Variants in NR3C2 observed in about 807,000 individuals in gnomAD.
NR3C2 encodes the protein nuclear receptor subfamily 3 group C member 2.
A neutral mutation model predicts 86.4 loss-of-function variants in NR3C2; 15 were observed. The observed-to-expected ratio is 0.17, with a 90% confidence interval of 0.12 to 0.27. The LOEUF is 0.27. Among genes scored for constraint, NR3C2 ranks in the 10% least tolerant of loss-of-function variants. The probability of loss-of-function intolerance (pLI) is 1.00; values close to 1 mark genes in which losing one functional copy is unlikely to be tolerated. For missense variants in NR3C2, 960 were observed against 1,195.6 expected (o/e 0.80, Z 2.91); for synonymous variants, 458 against 450.5 (o/e 1.02, Z -0.21).
At chr4:148,209,932 G>A (rs927191923) in intron 3 of NR3C2, among the ~76,000 whole-genome samples, 2 of 152,150 alleles carry the variant, frequency 1.3e-5, no homozygotes, top group African/African-American at 4.8e-5. Context: ...CCATTGCTGC[G>A]TTTCTCCCAA....
At chr4:148,103,180 G>A (rs1040714194) in intron 8 of NR3C2, among the ~76,000 whole-genome samples, 2 of 152,102 alleles carry the variant, frequency 1.3e-5, no homozygotes, top group Non-Finnish European at 2.9e-5. Context: ...TCATGCCATG[G>A]CCCCTTCTCT....
At chr4:148,186,988 G>GTATATA (rs1491106389) in intron 4 of NR3C2, among the ~76,000 whole-genome samples, 2 of 13,704 alleles carry the variant, frequency 1.5e-4, no homozygotes, top group Non-Finnish European at 2.1e-4. Flanking sequence ...ACTGATGTGT[G>GTATATA]TATGTATGTA....
intron 4 of NR3C2, among the ~76,000 whole-genome samples, chr4:148,187,193 T>C (rs1371203483): frequency 1.3e-5 from 2 of 151,760 alleles, no homozygotes; most frequent in Admixed American, 6.6e-5. Context: ...CAAGTATATC[T>C]TTCAAATAAT....
chr4:148,236,685 G>A (rs906984892), intron 3 of NR3C2, among the ~76,000 whole-genome samples: 2 of 152,090 alleles, frequency 1.3e-5, no homozygotes, highest in African/African-American at 4.8e-5. Context: ...GACACTCATG[G>A]TCATCACTGA....
intron 3 of NR3C2, among the ~76,000 whole-genome samples, chr4:148,253,336 T>C (rs1160952891): frequency 1.3e-5 from 2 of 152,214 alleles, no homozygotes; most frequent in Non-Finnish European, 2.9e-5. Context: ...AAACCTAGGA[T>C]TGAAAACTGC....
At chr4:148,179,667 G>T (rs1172824329) in intron 4 of NR3C2, among the ~76,000 whole-genome samples, 1 of 151,620 alleles carries the variant, frequency 6.6e-6, no homozygotes, top group African/African-American at 2.4e-5. Flanking sequence ...ACAAAAATTA[G>T]ATGTATATAT....
intron 4 of NR3C2, among the ~76,000 whole-genome samples, chr4:148,157,000 T>C (rs971584726): frequency 3.3e-5 from 5 of 151,876 alleles, no homozygotes; most frequent in African/African-American, 1.2e-4. Flanking sequence ...TTCATGTCCT[T>C]TACAGGGACA....
At chr4:148,181,751 T>A (rs1467832001) in intron 4 of NR3C2, among the ~76,000 whole-genome samples, 1 of 152,234 alleles carries the variant, frequency 6.6e-6, no homozygotes, top group African/African-American at 2.4e-5. Flanking sequence ...TTTCAATTTA[T>A]CTGTTGACAT....
chr4:148,438,506 A>C (rs2126662884), intron 1 of NR3C2, among the ~76,000 whole-genome samples: 1 of 152,338 alleles, frequency 6.6e-6, no homozygotes, highest in East Asian at 1.9e-4. Flanking sequence ...CTGATCTAAA[A>C]GATGCTGTTT....
chr4:148,152,431 GCAGTTTA>G (rs1734144403), intron 6 of NR3C2, 31 bp downstream of exon 6: 1 of 1,595,244 alleles, frequency 6.3e-7, no homozygotes, highest in Admixed American at 1.7e-5. Context: ...GCATAACTCT[GCAGTTTA>G]TTTTATGAAG....
intron 2 of NR3C2, among the ~76,000 whole-genome samples, chr4:148,305,609 C>T (rs973283682): frequency 1.3e-5 from 2 of 151,610 alleles, no homozygotes; most frequent in East Asian, 1.9e-4. Flanking sequence ...GAAAAGGCTA[C>T]GCTTTGAGAG....
chr4:148,408,147 T>C (rs969832775), intron 2 of NR3C2, among the ~76,000 whole-genome samples: 2 of 152,192 alleles, frequency 1.3e-5, no homozygotes, highest in African/African-American at 2.4e-5. Context: ...CTTTATTAGC[T>C]ATCACATTTG....
chr4:148,174,641 A>G (rs527543585), intron 4 of NR3C2, among the ~76,000 whole-genome samples: 4 of 152,160 alleles, frequency 2.6e-5, no homozygotes, highest in Non-Finnish European at 5.9e-5. Flanking sequence ...GGGGGTATAA[A>G]TGTCTACATG....
intron 2 of NR3C2, among the ~76,000 whole-genome samples, chr4:148,396,868 T>C (rs966589649): frequency 2.0e-5 from 3 of 152,212 alleles, no homozygotes; most frequent in African/African-American, 7.2e-5. Flanking sequence ...GGAACTTGGT[T>C]CTCTCCAATC....
upstream of NR3C2, among the ~76,000 whole-genome samples, chr4:148,443,295 A>G (rs575575807): frequency 2.0e-5 from 3 of 147,936 alleles, no homozygotes; most frequent in Non-Finnish European, 4.5e-5. Flanking sequence ...GGCAGGGTCA[A>G]GAGCTGCTCC....
chr4:148,168,874 T>A (rs189869009), intron 4 of NR3C2, among the ~76,000 whole-genome samples: 1 of 152,316 alleles, frequency 6.6e-6, no homozygotes, highest in East Asian at 1.9e-4. Flanking sequence ...GATGTGCCTA[T>A]GTTTGTAATG....
chr4:148,276,661 T>C (rs1423324954), intron 2 of NR3C2, among the ~76,000 whole-genome samples: 5 of 152,170 alleles, frequency 3.3e-5, no homozygotes, highest in Non-Finnish European at 7.4e-5. Context: ...AATAGGTAAG[T>C]ATGGGCAACC....
At chr4:148,310,890 ACT>A (rs1355421565) in intron 2 of NR3C2, among the ~76,000 whole-genome samples, 11 of 151,744 alleles carry the variant, frequency 7.2e-5, no homozygotes, top group Admixed American at 5.9e-4. Flanking sequence ...CTCCTCCCAC[ACT>A]CTCATGATCC....
chr4:148,169,501 AT>A (rs1350566816), intron 4 of NR3C2, among the ~76,000 whole-genome samples: 1 of 151,156 alleles, frequency 6.6e-6, no homozygotes, highest in Non-Finnish European at 1.5e-5. Flanking sequence ...ATGATTTATG[AT>A]TTTTTATATA....
Sources: gnomAD v4.1 joint callset for allele counts (sites outside exome capture counted in the v4.1 genomes callset) on GRCh38, gnomAD v4.1.1 for gene constraint, MANE v1.5 for transcripts, NCBI Gene and HGNC (gene_info 2026-07-23, HGNC 2026-07-21) for gene names.